Variants in HS6ST1 observed in about 807,000 individuals in gnomAD.
The protein encoded by HS6ST1 is heparan-sulfate 6-O-sulfotransferase 1.
A neutral mutation model predicts 25.2 loss-of-function variants in HS6ST1; 3 were observed. The observed-to-expected ratio is 0.12, with a 90% CI of 0.05 to 0.31. The LOEUF (loss-of-function observed/expected upper bound fraction) is 0.31. Ranked by LOEUF, HS6ST1 falls within the 10% of genes least tolerant of loss-of-function variation. The pLI, the probability that HS6ST1 is intolerant of heterozygous loss-of-function variation, is 1.00. For synonymous variants in HS6ST1, 204 were observed against 275.1 expected (o/e 0.74, Z 2.56); for missense variants, 310 against 609.6 (o/e 0.51, Z 5.18).
rs9636238 is a variant in HS6ST1, at chr2:128,275,277, T to C, written c.528-6407A>G. Among the ~76,000 whole-genome samples the C allele has an allele frequency of 3.4e-4, 52 of 152,308 alleles. No individual in the cohort carries two copies. The East Asian group carries it at 9.4e-3, about 28-fold the overall frequency. ...TACTGATTTAATAAAAACGTGAGTT[T>C]TAACTGTATGTGGGTGATGGGTGGG... On this transcript the variant is annotated intron_variant, in intron 1 of 1. Transcript: ENST00000259241.
intron 1 of HS6ST1, among the ~76,000 whole-genome samples, chr2:128,269,093 C>A (rs1389309137): frequency 6.6e-6 from 1 of 152,250 alleles, no homozygotes; most frequent in Non-Finnish European, 1.5e-5. Context: ...CAGTGCCCTG[C>A]AGCGCCTGGC....
chr2:128,278,309 T>G (rs1693726555), intron 1 of HS6ST1, among the ~76,000 whole-genome samples: 1 of 152,224 alleles, frequency 6.6e-6, no homozygotes, highest in South Asian at 2.1e-4. Flanking sequence ...GCCTGCATCT[T>G]CTTATTGCTG....
chr2:128,291,841 A>G (rs1693956889), intron 1 of HS6ST1, among the ~76,000 whole-genome samples: 1 of 152,212 alleles, frequency 6.6e-6, no homozygotes, highest in African/African-American at 2.4e-5. Flanking sequence ...ATCTGTCCAC[A>G]GGCTCTTCCC....
At chr2:128,290,845 A>AAAT (rs1693940599) in intron 1 of HS6ST1, among the ~76,000 whole-genome samples, 2 of 142,774 alleles carry the variant, frequency 1.4e-5, no homozygotes, top group African/African-American at 5.3e-5. Flanking sequence ...AAAAAAAAAA[A>AAAT]TTTAGCATGC....
intron 1 of HS6ST1, among the ~76,000 whole-genome samples, chr2:128,277,795 G>A (rs910453779): frequency 1.3e-5 from 2 of 152,248 alleles, no homozygotes; most frequent in East Asian, 3.8e-4. Flanking sequence ...CAAAGAACTC[G>A]AAATGCGCTA....
chr2:128,318,411 G>C lies in HS6ST1; in HGVS notation c.153C>G (p.Pro51=), dbSNP rs776047646. The C allele has an allele frequency of 1.9e-6, 3 of 1,603,212 alleles. No homozygotes were observed. The highest frequency in any genetic ancestry group is 1.7e-6 in the Non-Finnish European group (2 of 1,175,900). Residue 51 remains proline (P), a synonymous_variant, in exon 1 of 2, where the codon CCC becomes CCG. Transcript: ENST00000259241. The surrounding 1 kb of genome is among the most constrained non-coding windows in gnomAD (Gnocchi z 5.7). The part of the protein sequence containing the change: ...SLGAPGGRAP[P]DDLDLFPTPD... Reference sequence around the variant, plus strand: ...GTGTGGGGAACAGGTCCAGGTCGTCGGGCGGCGCGCGGCCGCCGGGCGCGC... The same window carrying C: ...GTGTGGGGAACAGGTCCAGGTCGTCCGGCGGCGCGCGGCCGCCGGGCGCGC...
At chr2:128,295,983 G>A (rs1175917106) in intron 1 of HS6ST1, among the ~76,000 whole-genome samples, 1 of 152,188 alleles carries the variant, frequency 6.6e-6, no homozygotes, top group African/African-American at 2.4e-5. Context: ...AGGTAATTAG[G>A]TCATGAGGGT....
At chr2:128,270,809 A>G (rs771513104) in intron 1 of HS6ST1, among the ~76,000 whole-genome samples, 6 of 152,214 alleles carry the variant, frequency 3.9e-5, no homozygotes, top group Admixed American at 2.0e-4. Context: ...GTCCACCAAC[A>G]GAGAAGCTTG....
intron 1 of HS6ST1, among the ~76,000 whole-genome samples, chr2:128,302,685 C>G (rs550815379): frequency 6.6e-6 from 1 of 152,312 alleles, no homozygotes; most frequent in South Asian, 2.1e-4. Flanking sequence ...CCCCACCAAG[C>G]CCCTGCCACC....
intron 1 of HS6ST1, among the ~76,000 whole-genome samples, chr2:128,291,090 CAA>C (rs1370678999): frequency 6.6e-6 from 1 of 152,216 alleles, no homozygotes; most frequent in Non-Finnish European, 1.5e-5. Context: ...ATGAATAAGA[CAA>C]AGATGTCCAC....
chr2:128,307,533 T>C (rs1212569103), intron 1 of HS6ST1, among the ~76,000 whole-genome samples: 1 of 152,166 alleles, frequency 6.6e-6, no homozygotes, highest in Non-Finnish European at 1.5e-5. Context: ...ATGCTACCCA[T>C]GGAACCTGGC....
intron 1 of HS6ST1, among the ~76,000 whole-genome samples, chr2:128,274,675 T>C (rs897625824): frequency 1.3e-5 from 2 of 151,708 alleles, no homozygotes; most frequent in African/African-American, 4.8e-5. Flanking sequence ...GGACAGAAGC[T>C]CTAGGAAAAA....
chr2:128,293,882 T>C (rs1247878389), intron 1 of HS6ST1, among the ~76,000 whole-genome samples: 2 of 152,152 alleles, frequency 1.3e-5, no homozygotes, highest in East Asian at 3.9e-4. Flanking sequence ...CCTCTAAGTG[T>C]GGAATGGCCA....
chr2:128,291,172 C>T (rs1000767313), intron 1 of HS6ST1, among the ~76,000 whole-genome samples: 1 of 152,188 alleles, frequency 6.6e-6, no homozygotes, highest in African/African-American at 2.4e-5. Context: ...GAACTAGGGA[C>T]CTAACTGTCC....
At position 128,268,563 on chromosome 2, in the gene HS6ST1, C is replaced by T. The variant is rs1213127632; in HGVS notation, c.835G>A (p.Glu279Lys). The T allele has an allele frequency of 6.2e-6, 10 of 1,601,530 alleles. No homozygotes were observed. The highest frequency in any genetic ancestry group is 2.3e-5 in the East Asian group (1 of 44,376). Residue 279 changes from glutamate to lysine, a missense_variant, in exon 2 of 2, where the codon GAG becomes AAG. Physicochemically the swap from Glu to Lys is moderately conservative, Grantham distance 56. This residue lies in a region of HS6ST1 where 98 missense variants were observed against 270.3 expected (regional missense o/e 0.36). Transcript: ENST00000259241. ...PEGKRAQLLL[E>K]SAKKNLRGMA... ...CCCCGCAGGTTCTTCTTGGCGCTCTCGAGCAGCAGCTGGGCCCGCTTGCCC... is the reference window on the plus strand; with the variant it reads ...CCCCGCAGGTTCTTCTTGGCGCTCTTGAGCAGCAGCTGGGCCCGCTTGCCC...
At chr2:128,277,641 T>C (rs1364311228) in intron 1 of HS6ST1, among the ~76,000 whole-genome samples, 1 of 151,744 alleles carries the variant, frequency 6.6e-6, no homozygotes. Flanking sequence ...CCGAGGAGGG[T>C]GAGGACATGG....
chr2:128,315,924 G>C (rs533757293), intron 1 of HS6ST1, among the ~76,000 whole-genome samples: 136 of 152,340 alleles, frequency 8.9e-4, no homozygotes, highest in African/African-American at 3.1e-3. Flanking sequence ...CTGCCCGGTA[G>C]CACAACCCAC....
chr2:128,300,076 C>A (rs908849392), intron 1 of HS6ST1, among the ~76,000 whole-genome samples: 2 of 152,132 alleles, frequency 1.3e-5, no homozygotes, highest in African/African-American at 4.8e-5. Flanking sequence ...GCTTATACTG[C>A]TGAATTCACC....
Position 128,318,441 on chromosome 2 carries a change from G to A in HS6ST1, c.123C>T (p.Ser41=), listed in dbSNP as rs765935885. Residue 41 remains serine, a synonymous_variant, in exon 1 of 2, where the codon AGC becomes AGT. Coordinates refer to ENST00000259241, the MANE Select transcript of HS6ST1 (RefSeq NM_004807.3). The surrounding 1 kb of genome is among the most constrained non-coding windows in gnomAD (Gnocchi z 5.7). ...GCGCGCGGCCGCCGGGCGCGCCCAG[G>A]CTCAGTCCTGGGCCCGCGTACTGGT... ...ILYQYAGPGL[S]LGAPGGRAPP... 2.8e-5 allele frequency: 44 copies of A among 1,591,186 alleles called. No individual in the cohort carries two copies. The highest frequency in any genetic ancestry group is 4.4e-5 in the South Asian group (4 of 89,950).
Sources: gnomAD v4.1 joint callset for allele counts (sites outside exome capture counted in the v4.1 genomes callset) on GRCh38, gnomAD v4.1.1 for gene constraint, gnomAD v4.1.1 regional missense constraint, Gnocchi (gnomAD v3.1) non-coding constraint, MANE v1.5 for transcripts, NCBI Gene and HGNC (gene_info 2026-07-23, HGNC 2026-07-21) for gene names.